PGPEP1L: variants seen among roughly 807,000 people sequenced by gnomAD.
PGPEP1L encodes pyroglutamyl-peptidase 1-like protein.
Under a neutral mutation model 6.0 loss-of-function variants are expected in PGPEP1L, and 7 were observed. The observed-to-expected ratio is 1.17, with a 90% CI of 0.66 to 2.19. The LOEUF (loss-of-function observed/expected upper bound fraction) is 2.19. Ranked by LOEUF, PGPEP1L falls within the 30% of genes most tolerant of loss-of-function variation. The pLI, the probability that PGPEP1L is intolerant of heterozygous loss-of-function variation, is 0.00. For synonymous variants in PGPEP1L, 103 were observed against 83.9 expected, an observed-to-expected ratio of 1.23 and a Z score of -1.24; for missense variants, 209 against 192.5, an observed-to-expected ratio of 1.09 and a Z score of -0.51.
intron 2 of PGPEP1L, among the ~76,000 whole-genome samples, chr15:98,983,495 T>G (rs1317911064): frequency 6.6e-6 from 1 of 152,190 alleles, no homozygotes; most frequent in East Asian, 1.9e-4. Context: ...TGACCCTGGG[T>G]GTGTTTTCAA....
intron 2 of PGPEP1L, among the ~76,000 whole-genome samples, chr15:98,982,736 A>T (rs532180962): frequency 1.4e-4 from 9 of 65,284 alleles, no homozygotes; most frequent in Admixed American, 2.1e-4. Flanking sequence ...TTTGAGACAG[A>T]GTCTTGCTCT....
rs978944564 is a variant in PGPEP1L, at chr15:98,973,146, T to TA, written c.-141-1989dup. Among the ~76,000 whole-genome samples, 184 of 152,140 alleles carry TA rather than the reference T, an allele frequency of 1.2e-3. 1 individual carries two copies. Among genetic ancestry groups the TA allele is most frequent in the African/African-American group, 4.3e-3 (178 of 41,518 alleles). ...CATCATATAATGACAAAGGGATCAA[T>TA]AAAGCAAGAGGATATAGCTATTATA... is the stretch of plus-strand genomic sequence containing the variant. On this transcript the variant is annotated intron_variant, in intron 2 of 4. Transcript: ENST00000535714.
rs2017891052 is a variant in PGPEP1L at position 98,996,565 on chromosome 15, T to C, written c.-142+8864A>G. Among the ~76,000 whole-genome samples the C allele has an allele frequency of 2.0e-5, 3 of 152,020 alleles. No individual in the cohort carries two copies. In the South Asian group the frequency reaches 6.2e-4, roughly 32 times the overall value. Reference sequence around the variant, plus strand: ...GTGTGTGCATATGTATAGGTATGGGTGTGCATGCATGTATTATGTGTGTTG... The same window carrying C: ...GTGTGTGCATATGTATAGGTATGGGCGTGCATGCATGTATTATGTGTGTTG... On this transcript the variant is annotated intron_variant, in intron 2 of 4. Coordinates refer to ENST00000535714, the MANE Select transcript of PGPEP1L (RefSeq NM_001167902.2).
intron 2 of PGPEP1L, among the ~76,000 whole-genome samples, chr15:98,978,386 G>A (rs548145922): frequency 2.0e-5 from 3 of 152,160 alleles, no homozygotes; most frequent in African/African-American, 4.8e-5. Context: ...CTAATTAATG[G>A]CATCTCAAAC....
chr15:98,978,343 G>A (rs926054389), intron 2 of PGPEP1L, among the ~76,000 whole-genome samples: 1 of 152,180 alleles, frequency 6.6e-6, no homozygotes, highest in East Asian at 1.9e-4. Flanking sequence ...GTAATCATCT[G>A]TGATTACAGA....
At chr15:98,981,414 C>T (rs1422791667) in intron 2 of PGPEP1L, among the ~76,000 whole-genome samples, 4 of 146,604 alleles carry the variant, frequency 2.7e-5, no homozygotes, top group African/African-American at 5.0e-5. Flanking sequence ...GGCGTGAACC[C>T]GGGAGGCAGA....
chr15:98,969,832 G>C (rs1428111603), intron 3 of PGPEP1L, among the ~76,000 whole-genome samples, 181 bp from the exon 4 acceptor site: 1 of 152,094 alleles, frequency 6.6e-6, no homozygotes, highest in Admixed American at 6.5e-5. Context: ...TGGCTGGAAA[G>C]AAAAACAGCT....
intron 2 of PGPEP1L, among the ~76,000 whole-genome samples, chr15:98,991,069 C>A (rs2017813405): frequency 6.6e-6 from 1 of 151,642 alleles, no homozygotes; most frequent in South Asian, 2.1e-4. Flanking sequence ...GAAGCAAGAA[C>A]AAATTCAAAA....
At chr15:98,978,330 G>A (rs1346105950) in intron 2 of PGPEP1L, among the ~76,000 whole-genome samples, 7 of 152,178 alleles carry the variant, frequency 4.6e-5, no homozygotes, top group Admixed American at 3.9e-4. Context: ...TCTGGGGTAT[G>A]GAGTAATCAT....
At chr15:98,977,245 C>T (rs2017583717) in intron 2 of PGPEP1L, among the ~76,000 whole-genome samples, 1 of 151,978 alleles carries the variant, frequency 6.6e-6, no homozygotes, top group Admixed American at 6.6e-5. Context: ...TTGATTTCTG[C>T]TTTCATCTTT....
intron 2 of PGPEP1L, among the ~76,000 whole-genome samples, chr15:99,005,158 G>A (rs1351687216): frequency 2.0e-5 from 3 of 152,198 alleles, no homozygotes; most frequent in African/African-American, 7.2e-5. Flanking sequence ...GGCAAGGTCT[G>A]AGCCTAAGCC....
chr15:98,983,062 A>C (rs2017691076), intron 2 of PGPEP1L, among the ~76,000 whole-genome samples: 1 of 151,966 alleles, frequency 6.6e-6, no homozygotes, highest in African/African-American at 2.4e-5. Flanking sequence ...CTCTGGACTA[A>C]TTGGAAAAAT....
At chr15:99,003,370 T>C (rs1262044903) in intron 2 of PGPEP1L, among the ~76,000 whole-genome samples, 1 of 151,310 alleles carries the variant, frequency 6.6e-6, no homozygotes, top group Non-Finnish European at 1.5e-5. Context: ...ACTCTGCAAG[T>C]GAAGGTTTGA....
intron 2 of PGPEP1L, among the ~76,000 whole-genome samples, chr15:98,995,278 G>A (rs2017872000): frequency 6.6e-6 from 1 of 152,034 alleles, no homozygotes; most frequent in South Asian, 2.1e-4. Flanking sequence ...CTGTCTTCTA[G>A]TTCACTAATT....
chr15:98,969,670 G>C lies in PGPEP1L; in HGVS notation c.-18-19C>G. ...CGACGAGCTGTGTGAACGGGTAACA[G>C]CAGAGAGAACCCAGGAAAACGAGGC... On this transcript the variant is annotated intron_variant, in intron 3 of 4. Transcript: ENST00000535714. 6.2e-7 allele frequency: 1 copy of C among 1,605,260 alleles called. No individual in the cohort carries two copies. Among genetic ancestry groups the C allele is most frequent in the South Asian group, 1.1e-5 (1 of 91,040 alleles).
At chr15:98,979,145 C>T (rs986719071) in intron 2 of PGPEP1L, among the ~76,000 whole-genome samples, 3 of 151,984 alleles carry the variant, frequency 2.0e-5, no homozygotes, top group African/African-American at 7.3e-5. Context: ...CAGACTGTTT[C>T]CCATGCTGAC....
At chr15:98,991,314 AGAAT>A (rs1254551258) in intron 2 of PGPEP1L, among the ~76,000 whole-genome samples, 2 of 152,244 alleles carry the variant, frequency 1.3e-5, no homozygotes, top group African/African-American at 4.8e-5. Context: ...CTACCATCAG[AGAAT>A]ACTATAAACA....
chr15:98,979,163 G>A (rs139544426), intron 2 of PGPEP1L, among the ~76,000 whole-genome samples: 145 of 152,158 alleles, frequency 9.5e-4, no homozygotes, highest in African/African-American at 2.9e-3. Context: ...GACAGAGTGC[G>A]TAACCCAGGA....
At chr15:98,987,655 A>G (rs1555471655) in intron 2 of PGPEP1L, among the ~76,000 whole-genome samples, 1 of 152,108 alleles carries the variant, frequency 6.6e-6, no homozygotes. Context: ...ATTTTATTGA[A>G]ACCACATACT....
Sources: allele counts gnomAD v4.1 joint callset (sites outside exome capture counted in the v4.1 genomes callset), GRCh38; gene constraint gnomAD v4.1.1; transcripts MANE v1.5; gene names NCBI Gene and HGNC (gene_info 2026-07-23, HGNC 2026-07-21).